The following TTC14 variants were observed in gnomAD, a reference collection of about 807,000 sequenced individuals.
TTC14 encodes the protein tetratricopeptide repeat protein 14.
In TTC14, 63 loss-of-function variants were observed where a neutral mutation model predicts 79.9. The ratio of observed to expected loss-of-function variants is 0.79; its 90% CI spans 0.64 to 0.97. TTC14 has a LOEUF of 0.97. Among genes scored for constraint, TTC14 ranks in the 50% least tolerant of loss-of-function variants. TTC14 has a pLI of 0.00. For synonymous variants in TTC14, 335 were observed against 309.6 expected (o/e 1.08, Z -0.86); for missense variants, 895 against 894.0 (o/e 1.00, Z -0.01).
In TTC14 at chr3:180,616,367, G is replaced by A. The variant is rs1576929567; in HGVS notation, c.1775-1013G>A. On this transcript the variant is annotated intron_variant, in intron 12 of 12. Transcript: ENST00000382584. Reference sequence around the variant, plus strand: ...CTGTAGGTAGTTCTAACCCACTCTGGAGGAATATTCAATAGCAATCATTAG... The same window carrying A: ...CTGTAGGTAGTTCTAACCCACTCTGAAGGAATATTCAATAGCAATCATTAG... 2 of 1,608,466 alleles carry A rather than the reference G, an allele frequency of 1.2e-6. No homozygotes were observed. Among genetic ancestry groups the A allele is most frequent in the South Asian group, 2.2e-5 (2 of 90,822 alleles).
In TTC14 at chr3:180,609,758, CAG is replaced by C; in HGVS notation, c.1532_1533del (p.Glu511ValfsTer11). 3 of 1,613,954 alleles carry C rather than the reference CAG, an allele frequency of 1.9e-6. No homozygotes were observed. Among genetic ancestry groups the C allele is most frequent in the Non-Finnish European group, 2.5e-6 (3 of 1,179,920 alleles). The stretch of plus-strand genomic sequence containing the variant: ...CATAAGAAACATAAGAGGAACCGTT[CAG>C]AGTCTTCTCGCAGTTCCAGAAGGCA... On this transcript the variant is annotated frameshift_variant, in exon 12 of 12. Coordinates refer to ENST00000296015, the MANE Select transcript of TTC14 (RefSeq NM_133462.4). LOFTEE classifies it high-confidence loss of function.
chr3:180,613,268 A>G (rs1343456384), downstream of TTC14, among the ~76,000 whole-genome samples: 1 of 152,234 alleles, frequency 6.6e-6, no homozygotes, highest in Non-Finnish European at 1.5e-5. Flanking sequence ...ATATATTGCC[A>G]TATCTTGGTC....
chr3:180,614,962 T>C, downstream of TTC14: 1 of 1,567,174 alleles, frequency 6.4e-7, no homozygotes. Context: ...CTAGAGCTAC[T>C]ACTAGCACTA....
rs771678096 is a variant in TTC14, at chr3:180,603,209, G to A, written c.372G>A (p.Glu124=). ...DRRELFFRDI[E]RGDIVIGRIS... is the part of the protein sequence containing the mutation. ...GAGAGCTGTTTTTCCGAGATATTGA[G>A]CGTGGTGATATAGTGATTGGAAGAA... is the stretch of plus-strand genomic sequence containing the variant. The change falls in exon 3 of 12, where the codon GAG becomes GAA. Residue 124 remains glutamate, a synonymous_variant. Transcript: ENST00000296015. 6.2e-7 allele frequency: 1 copy of A among 1,614,022 alleles called. No individual in the cohort carries two copies. Among genetic ancestry groups the A allele is most frequent in the Non-Finnish European group, 8.5e-7 (1 of 1,180,012 alleles).
At chr3:180,616,254 C>T in intron 12 of TTC14, 5 of 1,604,794 alleles carry the variant, frequency 3.1e-6, no homozygotes, top group Non-Finnish European at 4.3e-6. Context: ...GAGAGTTAAG[C>T]AGATTTTTTT....
chr3:180,602,416 A>G lies in TTC14; in HGVS notation c.155A>G (p.Gln52Arg), dbSNP rs769030732. The G allele has an allele frequency of 2.2e-5, 36 of 1,603,150 alleles. No homozygotes were observed. The highest frequency in any genetic ancestry group is 1.7e-6 in the Non-Finnish European group (2 of 1,178,256). The change falls in exon 1 of 12, where the codon CAG becomes CGG. Residue 52 changes from glutamine to arginine, a missense_variant. Transcript: ENST00000296015. ...ARGPPPQHPL[Q>R]GRKEKRVDNI... is the part of the protein sequence containing the mutation. ...GGCCCGCCGCCCCAGCACCCGTTGC[A>G]GGGCAGGTAATGAGACGTTGGTGCC... is the stretch of plus-strand genomic sequence containing the variant.
chr3:180,606,184 T>TA, intron 7 of TTC14, 69 bp from the exon 8 acceptor site: 1 of 1,586,704 alleles, frequency 6.3e-7, no homozygotes, highest in Non-Finnish European at 8.6e-7. Context: ...TTTTAAAACT[T>TA]ATTCACACTA....
intron 1 of TTC14, 139 bp downstream of exon 1, chr3:180,602,561 C>T: frequency 1.7e-6 from 2 of 1,201,910 alleles, no homozygotes; most frequent in South Asian, 3.2e-5. Context: ...GTGTCTTGGG[C>T]TGGGTGGACG....
At chr3:180,614,842 A>T (rs1717169601), downstream of TTC14, 2 of 1,334,030 alleles carry the variant, frequency 1.5e-6, no homozygotes, top group Non-Finnish European at 2.0e-6. Flanking sequence ...CCACTAGATA[A>T]AATGTGTTGG....
In TTC14 at chr3:180,604,074, C is replaced by T. The variant is rs7633174; in HGVS notation, c.487-151C>T. ...AAACATATTTTACTGTGTTTGGACA[C>T]GGAAATTACTTTTAACTAAATCCTT... On this transcript the variant is annotated intron_variant, in intron 3 of 11. Coordinates refer to ENST00000296015, the MANE Select transcript of TTC14 (RefSeq NM_133462.4). 6,476 of 695,172 alleles carry T rather than the reference C, an allele frequency of 9.3e-3. 291 individuals are homozygous for T. The African/African-American group carries it at 0.1, about 11-fold the overall frequency. 43.1% of individuals were successfully genotyped at this position (695,172 alleles called of 1,614,324 possible). A position where few individuals can be genotyped will look rare whatever the true frequency, so the allele number is the denominator to read the frequency against.
downstream of TTC14, chr3:180,614,834 A>G: frequency 2.4e-6 from 3 of 1,225,506 alleles, no homozygotes; most frequent in Non-Finnish European, 3.4e-6. Flanking sequence ...TACACTTTCC[A>G]CTAGATAAAA....
At chr3:180,607,901 T>C in intron 10 of TTC14, 136 bp downstream of exon 10, 4 of 1,448,454 alleles carry the variant, frequency 2.8e-6, no homozygotes, top group Non-Finnish European at 3.6e-6. Flanking sequence ...TAGTTTTTCC[T>C]AATTGGGTTT....
intron 10 of TTC14, chr3:180,608,001 T>G: frequency 8.0e-7 from 1 of 1,247,966 alleles, no homozygotes; most frequent in Non-Finnish European, 1.0e-6. Context: ...GTATGTTGTT[T>G]TGAGAAATGT....
intron 7 of TTC14, 144 bp from the exon 8 acceptor site, chr3:180,606,109 C>T (rs1052150214): frequency 3.5e-6 from 4 of 1,128,950 alleles, no homozygotes; most frequent in Non-Finnish European, 3.7e-6. Flanking sequence ...GGCAGAAGAA[C>T]GTTCCTTAGG....
At chr3:180,604,101 T>C in intron 3 of TTC14, 124 bp from the exon 4 acceptor site, 2 of 803,046 alleles carry the variant, frequency 2.5e-6, no homozygotes, top group Non-Finnish European at 4.1e-6. Context: ...TAAATCCTTA[T>C]TTAAATTTTT....
downstream of TTC14, among the ~76,000 whole-genome samples, chr3:180,611,924 G>T (rs939138851): frequency 6.6e-6 from 1 of 152,148 alleles, no homozygotes; most frequent in East Asian, 1.9e-4. Flanking sequence ...TGTATTATCT[G>T]TGTCTATCAA....
At chr3:180,609,075 AT>A in intron 11 of TTC14, 1 of 913,544 alleles carries the variant, frequency 1.1e-6, no homozygotes, top group Non-Finnish European at 1.3e-6. Flanking sequence ...AGGAAGAAAT[AT>A]TTTAGAACTA....
rs1717262898 is a variant in TTC14, at chr3:180,616,820, CGAT to C, written c.1775-559_1775-557del. On this transcript the variant is annotated intron_variant, in intron 12 of 12. Coordinates refer to the TTC14 transcript ENST00000382584. The stretch of plus-strand genomic sequence containing the variant: ...TGAAAGGTCAGTTTTTAAAAGATAT[CGAT>C]ACCTGTTTGGTCACTCTTTCTAATT... The C allele has an allele frequency of 2.5e-6, 4 of 1,608,984 alleles. No homozygotes were observed. In the East Asian group the frequency reaches 8.9e-5, roughly 36 times the overall value.
chr3:180,617,044 T>G lies in TTC14; in HGVS notation c.1775-336T>G, dbSNP rs537525598. Reference sequence around the variant, plus strand: ...AACTTGTCATTTATCAAGTATTCATTTAATTTTAATTCATTTATTTTTGTA... The same window carrying G: ...AACTTGTCATTTATCAAGTATTCATGTAATTTTAATTCATTTATTTTTGTA... On this transcript the variant is annotated intron_variant, in intron 12 of 12. Transcript: ENST00000382584. 2.4e-4 allele frequency: 186 copies of G among 776,748 alleles called. 2 individuals are homozygous for G. In the South Asian group the frequency reaches 4.1e-3, roughly 17 times the overall value. The allele number at this position is 776,748 out of a possible 1,614,324, so 48.1% of individuals were successfully genotyped here.
Sources: allele counts gnomAD v4.1 joint callset (sites outside exome capture counted in the v4.1 genomes callset), GRCh38; gene constraint gnomAD v4.1.1; transcripts MANE v1.5; gene names NCBI Gene and HGNC (gene_info 2026-07-23, HGNC 2026-07-21).